The following MGLL variants were observed in gnomAD, a reference collection of about 807,000 sequenced individuals.
MGLL encodes monoglyceride lipase.
In MGLL, 7 loss-of-function variants were observed where a neutral mutation model predicts 29.1. The ratio of observed to expected loss-of-function variants is 0.24; its 90% CI spans 0.14 to 0.45. The LOEUF (loss-of-function observed/expected upper bound fraction) is 0.45. MGLL is among the 20% of genes least tolerant of loss of function. The probability of loss-of-function intolerance (pLI) is 0.99; values close to 1 mark genes in which losing one functional copy is unlikely to be tolerated. For synonymous variants in MGLL, 148 were observed against 168.3 expected (o/e 0.88, Z 0.93); for missense variants, 356 against 413.6 (o/e 0.86, Z 1.21).
At chr3:127,814,648 A>T (rs2077723909) in intron 2 of MGLL, among the ~76,000 whole-genome samples, 1 of 152,234 alleles carries the variant, frequency 6.6e-6, no homozygotes, top group Non-Finnish European at 1.5e-5. Flanking sequence ...AAACAAAGCC[A>T]GATTTGTATC....
chr3:127,733,036 A>G (rs1343160113), intron 3 of MGLL, among the ~76,000 whole-genome samples: 1 of 152,226 alleles, frequency 6.6e-6, no homozygotes, highest in East Asian at 1.9e-4. Context: ...ACTGGGCTGC[A>G]TTCCCAGACG....
chr3:127,812,296 C>G (rs758478220), intron 2 of MGLL, among the ~76,000 whole-genome samples: 5 of 152,154 alleles, frequency 3.3e-5, no homozygotes, highest in Non-Finnish European at 5.9e-5. Context: ...TTGAGCTACC[C>G]TTATTATGTG....
chr3:127,798,390 C>T (rs2077421428), intron 2 of MGLL, among the ~76,000 whole-genome samples: 1 of 152,200 alleles, frequency 6.6e-6, no homozygotes, highest in South Asian at 2.1e-4. Flanking sequence ...CTCTGAGTCA[C>T]AGTCCTGGGG....
intron 3 of MGLL, among the ~76,000 whole-genome samples, chr3:127,748,076 C>T (rs978806269): frequency 1.3e-5 from 2 of 152,146 alleles, no homozygotes; most frequent in East Asian, 3.8e-4. Flanking sequence ...GCAAGAGACT[C>T]GGAGCATTCT....
At chr3:127,725,804 A>C (rs946293282) in intron 3 of MGLL, among the ~76,000 whole-genome samples, 5 of 152,196 alleles carry the variant, frequency 3.3e-5, no homozygotes, top group Admixed American at 3.3e-4. Context: ...GGTGGCTCAC[A>C]TCTGTAATCC....
chr3:127,779,647 C>T lies in MGLL; in HGVS notation c.262+2142G>A, dbSNP rs542447456. ...GATTTGCTGTTAAAATGCTGAACAG[C>T]GAAATACTATAATGCATTGAGCAAC... On this transcript the variant is annotated intron_variant, in intron 3 of 7. Coordinates refer to ENST00000265052, the MANE Select transcript of MGLL (RefSeq NM_007283.7). Among the ~76,000 whole-genome samples the T allele has an allele frequency of 6.6e-5, 10 of 152,128 alleles. No homozygotes were observed. The East Asian group carries it at 7.7e-4, about 12-fold the overall frequency.
chr3:127,725,878 C>A (rs1029153354), intron 3 of MGLL, among the ~76,000 whole-genome samples: 3 of 151,798 alleles, frequency 2.0e-5, no homozygotes, highest in Non-Finnish European at 4.4e-5. Context: ...TTGGCCTGGG[C>A]AATATAACAA....
rs552795011 is a variant in MGLL, at chr3:127,722,537, T to C, written c.292A>G (p.Met98Val). 1.2e-5 allele frequency: 19 copies of C among 1,613,966 alleles called. No homozygotes were observed. Among genetic ancestry groups the C allele is most frequent in the Non-Finnish European group, 1.6e-5 (19 of 1,180,016 alleles). The change falls in exon 4 of 8, where the codon ATG (methionine) becomes GTG (valine). Residue 98 changes from methionine (M) to valine (V), a missense_variant. By Grantham distance (21) the Met-to-Val change is conservative (BLOSUM62 1). Coordinates refer to ENST00000265052, the MANE Select transcript of MGLL (RefSeq NM_007283.7). ...VGHGQSEGER[M>V]VVSDFHVFVR... ...AAAACGTGGAAGTCAGACACTACCA[T>C]CCTCTCCCCTTCGCTCTGTCCGTGG...
chr3:127,770,661 A>G (rs1215690262), intron 3 of MGLL, among the ~76,000 whole-genome samples: 1 of 152,206 alleles, frequency 6.6e-6, no homozygotes, highest in Admixed American at 6.5e-5. Flanking sequence ...TGAACAGTGA[A>G]TATCTAAGAA....
chr3:127,734,277 C>T (rs563298446), intron 3 of MGLL, among the ~76,000 whole-genome samples: 64 of 152,308 alleles, frequency 4.2e-4, no homozygotes, highest in African/African-American at 1.5e-3. Flanking sequence ...TGGTCTGGTC[C>T]CTCATCAGCT....
intron 3 of MGLL, among the ~76,000 whole-genome samples, chr3:127,727,267 T>C (rs550573480): frequency 6.6e-6 from 1 of 152,240 alleles, no homozygotes; most frequent in Non-Finnish European, 1.5e-5. Flanking sequence ...CATCAAGATT[T>C]AAAGTTGGGA....
At chr3:127,694,187 T>G (rs923249527) in intron 7 of MGLL, among the ~76,000 whole-genome samples, 1 of 149,302 alleles carries the variant, frequency 6.7e-6, no homozygotes, top group Non-Finnish European at 1.5e-5. Flanking sequence ...GCAGAATCAC[T>G]TGAACCTGGG....
intron 3 of MGLL, among the ~76,000 whole-genome samples, chr3:127,776,791 T>C (rs1168005260): frequency 6.6e-6 from 1 of 152,240 alleles, no homozygotes; most frequent in African/African-American, 2.4e-5. Context: ...TGGTCTGATC[T>C]ATTTTGGCTT....
chr3:127,798,528 T>A (rs1329886515), intron 2 of MGLL, among the ~76,000 whole-genome samples: 1 of 152,068 alleles, frequency 6.6e-6, no homozygotes, highest in Non-Finnish European at 1.5e-5. Context: ...CTTTGCTGAG[T>A]CTTCACTTCT....
At chr3:127,737,973 C>T (rs1295173802) in intron 3 of MGLL, among the ~76,000 whole-genome samples, 1 of 152,110 alleles carries the variant, frequency 6.6e-6, no homozygotes, top group Non-Finnish European at 1.5e-5. Flanking sequence ...ACATATGGCA[C>T]ATGGTAATAT....
At chr3:127,722,330 G>T in intron 4 of MGLL, 100 bp downstream of exon 4, 1 of 1,509,684 alleles carries the variant, frequency 6.6e-7, no homozygotes, top group Non-Finnish European at 9.2e-7. Flanking sequence ...TGCCAGCCAG[G>T]CAGAGAGCAG....
chr3:127,755,098 G>T (rs1056559310), intron 3 of MGLL, among the ~76,000 whole-genome samples: 3 of 152,188 alleles, frequency 2.0e-5, no homozygotes, highest in African/African-American at 7.2e-5. Context: ...CATTGCGGGG[G>T]CTGTTCTTTT....
At chr3:127,726,184 G>GAAAGAAAGA (rs1559926361) in intron 3 of MGLL, among the ~76,000 whole-genome samples, 1 of 63,238 alleles carries the variant, frequency 1.6e-5, no homozygotes, top group African/African-American at 5.5e-5. Flanking sequence ...AAGAAAGAAA[G>GAAAGAAAGA]AAAAGAAAAG....
intron 6 of MGLL, among the ~76,000 whole-genome samples, chr3:127,699,302 C>G (rs1280778664): frequency 6.6e-6 from 1 of 152,160 alleles, no homozygotes; most frequent in Non-Finnish European, 1.5e-5. Flanking sequence ...CTTACACTTA[C>G]GTTTGAGCAA....
Sources: gnomAD v4.1 joint callset for allele counts (sites outside exome capture counted in the v4.1 genomes callset) on GRCh38, gnomAD v4.1.1 for gene constraint, MANE v1.5 for transcripts, NCBI Gene and HGNC (gene_info 2026-07-23, HGNC 2026-07-21) for gene names.